The following COL4A2 variants were observed in gnomAD, a reference collection of about 807,000 sequenced individuals.
COL4A2 encodes collagen type IV alpha 2 chain.
COL4A2 carries 99 observed loss-of-function variants against 200.2 expected under a neutral mutation model. The ratio of observed to expected loss-of-function variants is 0.49; its 90% CI spans 0.42 to 0.58. The LOEUF (loss-of-function observed/expected upper bound fraction) is 0.58. COL4A2 is among the 20% of genes least tolerant of loss of function. The probability of loss-of-function intolerance (pLI) is 0.00; values close to 1 mark genes in which losing one functional copy is unlikely to be tolerated. For missense variants in COL4A2, 1,950 were observed against 2,314.1 expected, an observed-to-expected ratio of 0.84 and a Z score of 3.23; for synonymous variants, 897 against 900.6, an observed-to-expected ratio of 1.00 and a Z score of 0.07.
intron 21 of COL4A2, among the ~76,000 whole-genome samples, chr13:110,458,512 G>A (rs1179181529): frequency 1.3e-5 from 2 of 152,174 alleles, no homozygotes; most frequent in Admixed American, 1.3e-4. Flanking sequence ...CTCTGAATGT[G>A]GTCCCAGTTT....
chr13:110,388,784 T>C (rs1349773794), intron 4 of COL4A2, among the ~76,000 whole-genome samples: 1 of 152,196 alleles, frequency 6.6e-6, no homozygotes, highest in Non-Finnish European at 1.5e-5. Context: ...ACTGTGTTGC[T>C]CAAACTTCAA....
chr13:110,430,052 G>T, intron 8 of COL4A2, 96 bp downstream of exon 8: 2 of 1,260,600 alleles, frequency 1.6e-6, no homozygotes, highest in Non-Finnish European at 2.2e-6. Flanking sequence ...ATGTAAGAAT[G>T]AATGTACTGA....
chr13:110,447,638 T>C (rs940294628), intron 18 of COL4A2, among the ~76,000 whole-genome samples: 1 of 152,216 alleles, frequency 6.6e-6, no homozygotes, highest in African/African-American at 2.4e-5. Flanking sequence ...GCCCATGTTA[T>C]AGTCAGCTCT....
At chr13:110,483,620 G>A (rs1005865864) in intron 32 of COL4A2, among the ~76,000 whole-genome samples, 1 of 152,158 alleles carries the variant, frequency 6.6e-6, no homozygotes, top group African/African-American at 2.4e-5. Flanking sequence ...ACTATGCCAC[G>A]TGTCGTCTGA....
rs371073368 is a variant in COL4A2 at position 110,362,234 on chromosome 13, T to C, written c.180+4682T>C. 1.2e-4 allele frequency among the ~76,000 whole-genome samples: 18 copies of C among 152,322 alleles called. No individual in the cohort carries two copies. The East Asian group carries it at 2.5e-3, about 21-fold the overall frequency. ...CAAATGATTCAGGGCTCTGTTGTTATTTGAGGGTCTGTATTTCAAATAATC... is the reference window on the plus strand; with the variant it reads ...CAAATGATTCAGGGCTCTGTTGTTACTTGAGGGTCTGTATTTCAAATAATC... On this transcript the variant is annotated intron_variant, in intron 4 of 47. Coordinates refer to ENST00000360467, the MANE Select transcript of COL4A2 (RefSeq NM_001846.4).
In COL4A2 at chr13:110,511,931, C is replaced by A; in HGVS notation, c.4882-3C>A. 1 of 1,613,532 alleles carries A rather than the reference C, an allele frequency of 6.2e-7. No homozygotes were observed. Among genetic ancestry groups the A allele is most frequent in the Non-Finnish European group, 8.5e-7 (1 of 1,180,020 alleles). On this transcript the variant is annotated splice_polypyrimidine_tract_variant and splice_region_variant and intron_variant, in intron 47 of 47. Transcript: ENST00000360467. Reference sequence around the variant, plus strand: ...ACCCTGTCCTGCCCCCCTCTCTGTGCAGCACACGGCGGCGGGAGACGAAGG... The same window carrying A: ...ACCCTGTCCTGCCCCCCTCTCTGTGAAGCACACGGCGGCGGGAGACGAAGG...
chr13:110,478,040 C>T lies in COL4A2; in HGVS notation c.2463C>T (p.Gly821=). 6.3e-7 allele frequency: 1 copy of T among 1,589,974 alleles called. No homozygotes were observed. Among genetic ancestry groups the T allele is most frequent in the Non-Finnish European group, 8.6e-7 (1 of 1,165,568 alleles). ...QGMPGMPGLK[G]QPGLPGPSGQ... ...TGCCTGGGATGCCAGGGCTGAAGGG[C>T]CAGCCAGGCCTCCCAGGACCTTCCG... Residue 821 remains glycine (G), a synonymous_variant, in exon 30 of 48, where the codon GGC becomes GGT. Transcript: ENST00000360467.
intron 4 of COL4A2, among the ~76,000 whole-genome samples, chr13:110,359,941 C>T (rs1877443966): frequency 6.6e-6 from 1 of 152,236 alleles, no homozygotes; most frequent in African/African-American, 2.4e-5. Flanking sequence ...CCTCTGCCTG[C>T]TGTGGGGACT....
At chr13:110,438,504 G>A in intron 14 of COL4A2, 114 bp from the exon 15 acceptor site, 1 of 1,387,644 alleles carries the variant, frequency 7.2e-7, no homozygotes, top group Non-Finnish European at 1.0e-6. Flanking sequence ...AGGCGGTCTG[G>A]ACACCATCGG....
intron 38 of COL4A2, among the ~76,000 whole-genome samples, chr13:110,492,726 G>A (rs368584): frequency 1.3e-5 from 2 of 152,014 alleles, no homozygotes; most frequent in African/African-American, 4.8e-5. Context: ...CAGCAGTGGC[G>A]AGGCGTCAAG....
intron 3 of COL4A2, among the ~76,000 whole-genome samples, chr13:110,316,817 G>T (rs959936014): frequency 2.0e-5 from 3 of 152,002 alleles, no homozygotes; most frequent in Non-Finnish European, 2.9e-5. Flanking sequence ...CTTAACCACT[G>T]GCTAGGTGAA....
At chr13:110,368,213 G>A (rs1191990164) in intron 4 of COL4A2, among the ~76,000 whole-genome samples, 1 of 152,154 alleles carries the variant, frequency 6.6e-6, no homozygotes, top group Non-Finnish European at 1.5e-5. Context: ...GAGAGAAATT[G>A]GATAGACTTT....
At chr13:110,475,533 C>T (rs543428326) in intron 29 of COL4A2, among the ~76,000 whole-genome samples, 2 of 152,322 alleles carry the variant, frequency 1.3e-5, no homozygotes, top group South Asian at 2.1e-4. Context: ...GGCTTACTTT[C>T]GATGTCTTAT....
At chr13:110,438,565 G>C in intron 14 of COL4A2, 53 bp from the exon 15 acceptor site, 1 of 1,610,910 alleles carries the variant, frequency 6.2e-7, no homozygotes, top group Non-Finnish European at 8.5e-7. Context: ...GGCCCTGTTG[G>C]CTGGAGGGGC....
At position 110,308,056 on chromosome 13, in the gene COL4A2, C is replaced by T; in HGVS notation, c.45-13C>T. The T allele has an allele frequency of 6.2e-7, 1 of 1,613,754 alleles. No homozygotes were observed. Among genetic ancestry groups the T allele is most frequent in the Non-Finnish European group, 8.5e-7 (1 of 1,179,932 alleles). ...CGCACGTTCACGTCTCTCTTCCTCC[C>T]TTTCCCATGCAGGTGGCTGCTGCTG... On this transcript the variant is annotated splice_polypyrimidine_tract_variant and intron_variant, in intron 2 of 47. Coordinates refer to ENST00000360467, the MANE Select transcript of COL4A2 (RefSeq NM_001846.4).
At chr13:110,382,455 C>G (rs560717927) in intron 4 of COL4A2, among the ~76,000 whole-genome samples, 2 of 152,270 alleles carry the variant, frequency 1.3e-5, no homozygotes, top group Non-Finnish European at 2.9e-5. Flanking sequence ...AGTATCAAAA[C>G]AGGTGCTGGA....
At chr13:110,434,865 C>T (rs1348530733) in intron 12 of COL4A2, among the ~76,000 whole-genome samples, 1 of 152,188 alleles carries the variant, frequency 6.6e-6, no homozygotes, top group East Asian at 1.9e-4. Context: ...CAAAGGCAGC[C>T]GTAAGGACCA....
At chr13:110,505,193 A>AC (rs1373153101) in intron 45 of COL4A2, among the ~76,000 whole-genome samples, 1 of 151,540 alleles carries the variant, frequency 6.6e-6, no homozygotes, top group Non-Finnish European at 1.5e-5. Context: ...TACTAAAAAT[A>AC]CAAAAAATTA....
intron 14 of COL4A2, 64 bp from the exon 15 acceptor site, chr13:110,438,554 G>C (rs1244263702): frequency 1.9e-6 from 3 of 1,588,274 alleles, no homozygotes; most frequent in African/African-American, 1.3e-5. Context: ...GATGACACGT[G>C]GGCCCTGTTG....
Sources: allele counts gnomAD v4.1 joint callset (sites outside exome capture counted in the v4.1 genomes callset), GRCh38; gene constraint gnomAD v4.1.1; transcripts MANE v1.5; gene names NCBI Gene and HGNC (gene_info 2026-07-23, HGNC 2026-07-21).